The following RPS6KC1 variants were observed in gnomAD, a reference collection of about 807,000 sequenced individuals.
RPS6KC1 encodes the protein inactive ribosomal protein S6 kinase delta-1.
Under a neutral mutation model 103.8 loss-of-function variants are expected in RPS6KC1, and 54 were observed. That is an observed-to-expected ratio of 0.52 (90% CI 0.42 to 0.65). The LOEUF (loss-of-function observed/expected upper bound fraction) is 0.65, where lower values mean the gene tolerates loss of function less well. RPS6KC1 is among the 30% of genes least tolerant of loss of function. RPS6KC1 has a pLI of 0.00. For synonymous variants in RPS6KC1, 439 were observed against 438.7 expected (o/e 1.00, Z -0.01); for missense variants, 1,151 against 1,253.8 (o/e 0.92, Z 1.24).
the RPS6KC1 span, among the ~76,000 whole-genome samples, chr1:213,852,387 A>T: frequency 3.4e-5 from 5 of 147,544 alleles, no homozygotes; most frequent in Admixed American, 2.7e-4. Context: ...TCTTTACCTA[A>T]TTTTTTTTTT....
At chr1:213,581,743 C>T in the RPS6KC1 span, among the ~76,000 whole-genome samples, 1 of 152,118 alleles carries the variant, frequency 6.6e-6, no homozygotes, top group Non-Finnish European at 1.5e-5. Flanking sequence ...TCATAAGAGG[C>T]CTTTCTTCTA....
the RPS6KC1 span, among the ~76,000 whole-genome samples, chr1:213,750,967 T>C: frequency 6.6e-6 from 1 of 152,160 alleles, no homozygotes; most frequent in Non-Finnish European, 1.5e-5. Context: ...AGAACTATAG[T>C]AAGTGAAGGA....
chr1:213,063,416 T>C (rs1011095549), intron 1 of RPS6KC1, among the ~76,000 whole-genome samples: 2 of 152,238 alleles, frequency 1.3e-5, no homozygotes, highest in Admixed American at 6.5e-5. Flanking sequence ...TCTAGGTCTT[T>C]GGTTATCTCA....
chr1:213,381,749 G>T, the RPS6KC1 span, among the ~76,000 whole-genome samples: 26 of 152,084 alleles, frequency 1.7e-4, no homozygotes, highest in African/African-American at 6.3e-4. Context: ...CTGCCTCGCT[G>T]CTGCTGGCCG....
At chr1:213,219,926 G>A (rs2093783347) in intron 8 of RPS6KC1, among the ~76,000 whole-genome samples, 1 of 152,050 alleles carries the variant, frequency 6.6e-6, no homozygotes, top group South Asian at 2.1e-4. Flanking sequence ...GTTAATGGAT[G>A]CAGCACCCCA....
At chr1:213,757,724 A>G in the RPS6KC1 span, among the ~76,000 whole-genome samples, 1 of 152,232 alleles carries the variant, frequency 6.6e-6, no homozygotes, top group African/African-American at 2.4e-5. Flanking sequence ...CTATTGGAAG[A>G]AGATGACAAC....
At chr1:213,117,615 T>G (rs944925265) in intron 5 of RPS6KC1, among the ~76,000 whole-genome samples, 1 of 151,286 alleles carries the variant, frequency 6.6e-6, no homozygotes, top group African/African-American at 2.4e-5. Flanking sequence ...ATTGGCAGCT[T>G]TTTTTTTTCA....
chr1:213,434,724 G>A, the RPS6KC1 span, among the ~76,000 whole-genome samples: 4 of 152,002 alleles, frequency 2.6e-5, no homozygotes, highest in Non-Finnish European at 5.9e-5. Flanking sequence ...CCAGTGGGCT[G>A]GGATTACAGG....
intron 10 of RPS6KC1, among the ~76,000 whole-genome samples, chr1:213,237,607 T>G (rs2094252076): frequency 6.6e-6 from 1 of 152,106 alleles, no homozygotes; most frequent in South Asian, 2.1e-4. Flanking sequence ...TTTTGATTAC[T>G]GTGATAGCAG....
At position 213,092,889 on chromosome 1, in the gene RPS6KC1, G is replaced by T. The variant is rs1409186019; in HGVS notation, c.263-11565G>T. On this transcript the variant is annotated intron_variant, in intron 3 of 14. Transcript: ENST00000366960. ...CTTGTTGCATTGCACTTTCTGTACT[G>T]TGGAATTTAACACATTTATCTTTAA... Among the ~76,000 whole-genome samples, 4 of 152,110 alleles carry T rather than the reference G, an allele frequency of 2.6e-5. 1 individual carries two copies. Among genetic ancestry groups the T allele is most frequent in the Admixed American group, 1.3e-4 (2 of 15,272 alleles).
At chr1:213,675,447 A>T in the RPS6KC1 span, among the ~76,000 whole-genome samples, 2 of 152,206 alleles carry the variant, frequency 1.3e-5, no homozygotes, top group African/African-American at 4.8e-5. Context: ...TTTGGCATGT[A>T]TATGGCAAAA....
intron 8 of RPS6KC1, among the ~76,000 whole-genome samples, chr1:213,198,601 G>GAGGAAGGA (rs1245448165): frequency 6.6e-6 from 1 of 152,162 alleles, no homozygotes; most frequent in African/African-American, 2.4e-5. Context: ...GAGTAGGAGG[G>GAGGAAGGA]AGGAAGGAAG....
At chr1:213,592,522 G>A in the RPS6KC1 span, among the ~76,000 whole-genome samples, 22 of 152,300 alleles carry the variant, frequency 1.4e-4, no homozygotes, top group East Asian at 3.3e-3. Flanking sequence ...AGGGGTAGCA[G>A]GTGCTCTCCA....
At chr1:213,705,392 T>A in the RPS6KC1 span, among the ~76,000 whole-genome samples, 1 of 152,220 alleles carries the variant, frequency 6.6e-6, no homozygotes, top group African/African-American at 2.4e-5. Flanking sequence ...CCCCACTCTG[T>A]GGCCATCACC....
chr1:213,492,646 T>G, the RPS6KC1 span: 3 of 152,264 alleles, frequency 2.0e-5, no homozygotes, highest in African/African-American at 7.2e-5. Context: ...GAATGTCATA[T>G]AATAGGCATC....
At chr1:213,861,884 C>A in the RPS6KC1 span, among the ~76,000 whole-genome samples, 1 of 152,180 alleles carries the variant, frequency 6.6e-6, no homozygotes, top group African/African-American at 2.4e-5. Context: ...CATCCATTCC[C>A]TAGTCCTGCC....
the RPS6KC1 span, among the ~76,000 whole-genome samples, chr1:213,627,765 C>G: frequency 1.3e-3 from 201 of 152,202 alleles, no homozygotes; most frequent in Middle Eastern, 6.8e-3. Context: ...GCATCCCAGG[C>G]ATGAAGCCCA....
chr1:213,075,058 A>G (rs1024973505), intron 2 of RPS6KC1, among the ~76,000 whole-genome samples: 8 of 151,716 alleles, frequency 5.3e-5, no homozygotes, highest in East Asian at 1.9e-4. Context: ...TCATTGTGTT[A>G]GCCAGGATGG....
the RPS6KC1 span, among the ~76,000 whole-genome samples, chr1:213,310,146 G>T: frequency 1.3e-5 from 2 of 152,080 alleles, no homozygotes; most frequent in African/African-American, 4.8e-5. Context: ...TTTCCAATTG[G>T]TTTCCCCATT....
Sources: gnomAD v4.1 joint callset for allele counts (sites outside exome capture counted in the v4.1 genomes callset) on GRCh38, gnomAD v4.1.1 for gene constraint, MANE v1.5 for transcripts, NCBI Gene and HGNC (gene_info 2026-07-23, HGNC 2026-07-21) for gene names.